Variants in SLC25A37 observed in about 807,000 individuals in gnomAD.
SLC25A37 encodes the protein solute carrier family 25 member 37.
Under a neutral mutation model 31.0 loss-of-function variants are expected in SLC25A37, and 17 were observed. That is an observed-to-expected ratio of 0.55 (90% confidence interval 0.38 to 0.82). The LOEUF is 0.82. Among genes scored for constraint, SLC25A37 ranks in the 40% least tolerant of loss-of-function variants. The pLI, the probability that SLC25A37 is intolerant of heterozygous loss-of-function variation, is 0.00. For missense variants in SLC25A37, 404 were observed against 465.8 expected (o/e 0.87, Z 1.22); for synonymous variants, 222 against 193.0 (o/e 1.15, Z -1.24).
chr8:23,539,391 G>A (rs1200647774), intron 1 of SLC25A37, among the ~76,000 whole-genome samples: 1 of 152,184 alleles, frequency 6.6e-6, no homozygotes, highest in African/African-American at 2.4e-5. Flanking sequence ...TGTGATGGCT[G>A]TCACTGGTGA....
At chr8:23,560,949 G>C (rs936739857) in intron 1 of SLC25A37, among the ~76,000 whole-genome samples, 9 of 152,162 alleles carry the variant, frequency 5.9e-5, no homozygotes, top group Non-Finnish European at 1.2e-4. Flanking sequence ...TAGGCATTAG[G>C]CAAGTGGTAC....
At position 23,572,943 on chromosome 8, in the gene SLC25A37, A is replaced by G. The variant is rs1456337119; in HGVS notation, c.*1088A>G. ...GGGGCAGGTGTTTGGGATAAATCCTACCTTCATCCTAGGACTTATTTCTGC... is the reference window on the plus strand; with the variant it reads ...GGGGCAGGTGTTTGGGATAAATCCTGCCTTCATCCTAGGACTTATTTCTGC... On this transcript the variant is annotated 3_prime_UTR_variant, in exon 4 of 4. Coordinates refer to ENST00000519973, the MANE Select transcript of SLC25A37 (RefSeq NM_016612.4). 6.6e-6 allele frequency: 1 copy of G among 152,178 alleles called. No individual in the cohort carries two copies. Among genetic ancestry groups the G allele is most frequent in the Non-Finnish European group, 1.5e-5 (1 of 68,048 alleles). 9.4% of individuals were successfully genotyped at this position (152,178 alleles called of 1,614,324 possible). A position where few individuals can be genotyped will look rare whatever the true frequency, so the allele number is the denominator to read the frequency against.
rs577728826 is a variant in SLC25A37, at chr8:23,574,978, C to T, written c.*3123C>T. The T allele has an allele frequency of 8.3e-4, 127 of 152,432 alleles. No individual in the cohort carries two copies. Among genetic ancestry groups the T allele is most frequent in the African/African-American group, 2.9e-3 (121 of 41,558 alleles). 9.4% of individuals were successfully genotyped at this position (152,432 alleles called of 1,614,324 possible). On this transcript the variant is annotated 3_prime_UTR_variant, in exon 4 of 4. Transcript: ENST00000519973. ...TGTAGATCAAAGCTTTATTTTAGAA[C>T]GATAAACTGATTTTTTCCAAATGGG...
chr8:23,551,955 T>C (rs1355606811), intron 1 of SLC25A37, among the ~76,000 whole-genome samples: 1 of 152,210 alleles, frequency 6.6e-6, no homozygotes, highest in East Asian at 1.9e-4. Flanking sequence ...CCAACACCAG[T>C]GCCCTGTGGC....
chr8:23,538,535 GTGTGTGTGTGTT>G (rs902697510), intron 1 of SLC25A37, among the ~76,000 whole-genome samples: 144 of 151,432 alleles, frequency 9.5e-4, no homozygotes, highest in Admixed American at 3.5e-3. Context: ...GTGTGTGTGT[GTGTGTGTGTGTT>G]TGTGTGTGTG....
rs781228880 is a variant in SLC25A37 at position 23,529,018 on chromosome 8, G to A, written c.16G>A (p.Gly6Arg). 1 of 1,534,882 alleles carries A rather than the reference G, an allele frequency of 6.5e-7. No homozygotes were observed. Residue 6 changes from glycine (G) to arginine (R), a missense_variant, in exon 1 of 4, where the codon GGG becomes AGG. By Grantham distance (125) the Gly-to-Arg change is moderately radical (BLOSUM62 -2). Coordinates refer to ENST00000519973, the MANE Select transcript of SLC25A37 (RefSeq NM_016612.4). The surrounding 1 kb of genome is among the most constrained non-coding windows in gnomAD (Gnocchi z 4.1). Reference sequence around the variant, plus strand: ...GAGCTGGCGGATGGAGCTGCGCAGCGGGAGCGTGGGCAGCCAGGCGGTGGC... The same window carrying A: ...GAGCTGGCGGATGGAGCTGCGCAGCAGGAGCGTGGGCAGCCAGGCGGTGGC... MELRS[G>R]SVGSQAVARR...
chr8:23,529,105 G>A lies in SLC25A37; in HGVS notation c.103G>A (p.Asp35Asn). ...CGGCAAGGACGCCACCGGGTCGGAG[G>A]ACTACGAGAACCTGCCGACTAGCGC... ...GGGKDATGSEDYENLPTSASV... is the reference protein window; with the variant it reads ...GGGKDATGSENYENLPTSASV... Residue 35 changes from aspartate (D) to asparagine (N), a missense_variant, in exon 1 of 4, where the codon GAC (aspartate) becomes AAC (asparagine). Asp to Asn is a conservative substitution (Grantham distance 23). Around this residue, in one of 3 missense-constraint regions of SLC25A37, gnomAD observed 154 missense variants for 153.6 expected, o/e 1.00. Transcript: ENST00000519973. This position sits in a 1 kb window ranked among gnomAD's most constrained non-coding sequence, Gnocchi z 4.1. 6.2e-7 allele frequency: 1 copy of A among 1,609,762 alleles called. No homozygotes were observed. Among genetic ancestry groups the A allele is most frequent in the East Asian group, 2.2e-5 (1 of 44,640 alleles).
intron 1 of SLC25A37, among the ~76,000 whole-genome samples, chr8:23,543,632 T>G (rs1490142645): frequency 2.0e-5 from 3 of 152,186 alleles, no homozygotes; most frequent in African/African-American, 7.2e-5. Context: ...TCTCCTGGCT[T>G]CATGCCATTC....
rs926265684 is a variant in SLC25A37, at chr8:23,529,591, G to C, written c.210+379G>C. ...CACGCTGGCCGTTCGGGCTGGCTGG[G>C]GCCGCCCACACGTGCGCGGTTTCCG... On this transcript the variant is annotated intron_variant, in intron 1 of 3. Coordinates refer to ENST00000519973, the MANE Select transcript of SLC25A37 (RefSeq NM_016612.4). The surrounding 1 kb of genome is among the most constrained non-coding windows in gnomAD (Gnocchi z 4.1). Among the ~76,000 whole-genome samples the C allele has an allele frequency of 6.6e-6, 1 of 152,178 alleles. No homozygotes were observed. Among genetic ancestry groups the C allele is most frequent in the Admixed American group, 6.5e-5 (1 of 15,294 alleles).
chr8:23,567,826 GTTTTTTTTTTT>G (rs542715318), intron 2 of SLC25A37: 75 of 111,624 alleles, frequency 6.7e-4, no homozygotes, highest in Non-Finnish European at 7.8e-4. Flanking sequence ...CTCTTGCCCA[GTTTTTTTTTTT>G]TTTTTTTTTT....
chr8:23,540,675 A>T (rs1442089959), intron 1 of SLC25A37, among the ~76,000 whole-genome samples: 1 of 152,132 alleles, frequency 6.6e-6, no homozygotes, highest in Non-Finnish European at 1.5e-5. Flanking sequence ...TTGAATTCGG[A>T]CTAGTCGTGA....
Position 23,571,539 on chromosome 8 carries a change from C to T in SLC25A37, c.701C>T (p.Pro234Leu), listed in dbSNP as rs777095457. The change falls in exon 4 of 4, where the codon CCG becomes CTG. Residue 234 changes from proline (P) to leucine (L), a missense_variant. Around this residue, in one of 3 missense-constraint regions of SLC25A37, gnomAD observed 243 missense variants for 284.4 expected, o/e 0.85. Transcript: ENST00000519973. Reference protein sequence around the residue: ...EQVNPHRTYNPQSHIISGGLA... With the variant: ...EQVNPHRTYNLQSHIISGGLA... Reference sequence around the variant, plus strand: ...GTCAACCCCCACCGGACCTACAACCCGCAGTCCCACATCATCTCAGGCGGG... The same window carrying T: ...GTCAACCCCCACCGGACCTACAACCTGCAGTCCCACATCATCTCAGGCGGG... The T allele has an allele frequency of 8.7e-6, 14 of 1,613,792 alleles. No homozygotes were observed. The highest frequency in any genetic ancestry group is 4.4e-5 in the South Asian group (4 of 91,080).
Position 23,571,573 on chromosome 8 carries a change from G to T in SLC25A37, c.735G>T (p.Gly245=), listed in dbSNP as rs780213194. ...QSHIISGGLA[G]ALAAAATTPL... ...ACATCATCTCAGGCGGGCTGGCCGG[G>T]GCCCTCGCCGCGGCCGCCACGACCC... Residue 245 remains glycine, a synonymous_variant, in exon 4 of 4, where the codon GGG becomes GGT. Transcript: ENST00000519973. 4 of 1,613,684 alleles carry T rather than the reference G, an allele frequency of 2.5e-6. No homozygotes were observed. The highest frequency in any genetic ancestry group is 3.4e-6 in the Non-Finnish European group (4 of 1,179,826).
chr8:23,535,461 A>G (rs898141480), intron 1 of SLC25A37, among the ~76,000 whole-genome samples: 2 of 152,202 alleles, frequency 1.3e-5, no homozygotes, highest in Admixed American at 1.3e-4. Context: ...CTATAAGGGA[A>G]CAGGTGTCTT....
At position 23,571,569 on chromosome 8, in the gene SLC25A37, C is replaced by G; in HGVS notation, c.731C>G (p.Ala244Gly). Residue 244 changes from alanine (A) to glycine (G), a missense_variant, in exon 4 of 4, where the codon GCC becomes GGC. This residue lies in a region of SLC25A37 where 243 missense variants were observed against 284.4 expected (regional missense o/e 0.85). Transcript: ENST00000519973. The part of the protein sequence containing the change: ...PQSHIISGGL[A>G]GALAAAATTP... ...TCCCACATCATCTCAGGCGGGCTGG[C>G]CGGGGCCCTCGCCGCGGCCGCCACG... 1 of 1,613,692 alleles carries G rather than the reference C, an allele frequency of 6.2e-7. No homozygotes were observed.
chr8:23,530,701 G>T (rs1293496415), intron 1 of SLC25A37, among the ~76,000 whole-genome samples: 1 of 152,216 alleles, frequency 6.6e-6, no homozygotes, highest in African/African-American at 2.4e-5. Flanking sequence ...AACTGCCCTG[G>T]GCAGAGTCTG....
At chr8:23,564,248 A>G (rs1388104880) in intron 1 of SLC25A37, among the ~76,000 whole-genome samples, 3 of 152,030 alleles carry the variant, frequency 2.0e-5, no homozygotes, top group Non-Finnish European at 2.9e-5. Context: ...CCACTAATTC[A>G]GGTGATTGGT....
chr8:23,538,046 T>C (rs763330283), intron 1 of SLC25A37, among the ~76,000 whole-genome samples: 31 of 144,264 alleles, frequency 2.1e-4, no homozygotes, highest in Non-Finnish European at 3.5e-4. Flanking sequence ...GGCACGGCTT[T>C]TTAAAAAAGA....
intron 1 of SLC25A37, among the ~76,000 whole-genome samples, chr8:23,555,594 C>T (rs1264788489): frequency 1.3e-5 from 2 of 152,186 alleles, no homozygotes; most frequent in Admixed American, 1.3e-4. Flanking sequence ...GCAGTGCTTC[C>T]TGAAGCCCCA....
Sources: allele counts gnomAD v4.1 joint callset (sites outside exome capture counted in the v4.1 genomes callset), GRCh38; gene constraint gnomAD v4.1.1; regional missense constraint gnomAD v4.1.1; non-coding constraint Gnocchi (gnomAD v3.1); transcripts MANE v1.5; gene names NCBI Gene and HGNC (gene_info 2026-07-23, HGNC 2026-07-21).